MTA2: variants seen among roughly 807,000 people sequenced by gnomAD.
The protein encoded by MTA2 is metastasis associated 1 family member 2.
A neutral mutation model predicts 87.1 loss-of-function variants in MTA2; 22 were observed. That is an observed-to-expected ratio of 0.25 (90% CI 0.18 to 0.36). The LOEUF (loss-of-function observed/expected upper bound fraction) is 0.36. Ranked by LOEUF, MTA2 falls within the 10% of genes least tolerant of loss-of-function variation. The pLI is 1.00. For missense variants in MTA2, 542 were observed against 853.2 expected (o/e 0.64, Z 4.54); for synonymous variants, 314 against 310.1 (o/e 1.01, Z -0.13).
In MTA2 at chr11:62,595,054, A is replaced by C; in HGVS notation, c.1500T>G (p.Pro500=). 6.2e-7 allele frequency: 1 copy of C among 1,614,154 alleles called. No homozygotes were observed. Among genetic ancestry groups the C allele is most frequent in the South Asian group, 1.1e-5 (1 of 91,074 alleles). ...TCTTCAATGGAGTCTTGGCGGCCTT[A>C]GGAAGTCGAATGGAGCCTGGAGAAC... The part of the protein sequence containing the change: ...AIKAECSIRL[P]KAAKTPLKIH... The change falls in exon 15 of 18, where the codon CCT becomes CCG. Residue 500 remains proline, a synonymous_variant. Coordinates refer to ENST00000278823, the MANE Select transcript of MTA2 (RefSeq NM_004739.4). This position sits in a 1 kb window ranked among gnomAD's most constrained non-coding sequence, Gnocchi z 4.9.
chr11:62,601,304 C>A, intron 1 of MTA2, 119 bp downstream of exon 1: 8 of 1,303,388 alleles, frequency 6.1e-6, no homozygotes, highest in Non-Finnish European at 8.5e-6. Context: ...GGTTCCGGTC[C>A]GCGCTCCGGT....
At chr11:62,598,818 T>C (rs1035482848) in intron 3 of MTA2, among the ~76,000 whole-genome samples, 179 bp from the exon 4 acceptor site, 2 of 152,188 alleles carry the variant, frequency 1.3e-5, no homozygotes, top group Non-Finnish European at 2.9e-5. Context: ...TGCCCCATCA[T>C]AGATGCTCCC....
rs1188341148 is a variant in MTA2 at position 62,594,618 on chromosome 11, CA to C, written c.1589del (p.Leu530ArgfsTer29). The C allele has an allele frequency of 6.2e-7, 1 of 1,614,090 alleles. No homozygotes were observed. The highest frequency in any genetic ancestry group is 1.7e-5 in the Admixed American group (1 of 60,002). On this transcript the variant is annotated frameshift_variant, in exon 16 of 18. Coordinates refer to ENST00000278823, the MANE Select transcript of MTA2 (RefSeq NM_004739.4). LOFTEE classifies it high-confidence loss of function. ...TGGTACCCCGAGGTGTTTTTGGTTT[CA>C]GGGGTGCCTGGGCCACTGGAAAAAA... ...IVKDLVAQAPLKPKTPRGTKT... is the reference protein window; with the variant it reads ...IVKDLVAQAPXKPKTPRGTKT...
At chr11:62,596,921 G>A (rs773082931) in intron 8 of MTA2, 96 bp from the exon 9 acceptor site, 14 of 1,251,538 alleles carry the variant, frequency 1.1e-5, no homozygotes, top group Non-Finnish European at 1.4e-5. Context: ...CGGGCGCGGT[G>A]GCTCACACCC....
chr11:62,593,929 T>C lies in MTA2; in HGVS notation c.1953A>G (p.Leu651=), dbSNP rs775150148. 2 of 1,614,020 alleles carry C rather than the reference T, an allele frequency of 1.2e-6. No homozygotes were observed. Among genetic ancestry groups the C allele is most frequent in the African/African-American group, 1.3e-5 (1 of 74,978 alleles). Residue 651 remains leucine, a synonymous_variant, in exon 18 of 18, where the codon CTA becomes CTG. Coordinates refer to ENST00000278823, the MANE Select transcript of MTA2 (RefSeq NM_004739.4). ...TLIAVRPPVP[L]PAPSHPASTN... is the part of the protein sequence containing the mutation. ...TGCTGGCAGGATGTGAGGGTGCAGG[T>C]AGAGGGACAGGGGGCCGCACTGCAA...
rs1276653253 is a variant in MTA2 at position 62,596,094 on chromosome 11, G to A, written c.1030C>T (p.Pro344Ser). The A allele has an allele frequency of 2.5e-6, 4 of 1,613,998 alleles. No individual in the cohort carries two copies. The highest frequency in any genetic ancestry group is 3.4e-6 in the Non-Finnish European group (4 of 1,180,042). Reference protein sequence around the residue: ...VYIPTYTKPNPNQIISVGSKP... With the variant: ...VYIPTYTKPNSNQIISVGSKP... ...GAACCCACAGAAATGATCTGGTTAG[G>A]GTTTGGCTTAGTGCTAACGGGGAAG... The change falls in exon 12 of 18, where the codon CCT (proline) becomes TCT (serine). Residue 344 changes from proline to serine, a missense_variant. Transcript: ENST00000278823.
rs1168496594 is a variant in MTA2, at chr11:62,601,470, T to G, written c.-20A>C. ...CGCCATGGCCGTTCCCGCCGCCGCC[T>G]CCGGCCGCACAAAGGGGTCCGGGAG... is the stretch of plus-strand genomic sequence containing the variant. On this transcript the variant is annotated 5_prime_UTR_variant, in exon 1 of 18. Transcript: ENST00000278823. 3.7e-6 allele frequency: 6 copies of G among 1,607,000 alleles called. No individual in the cohort carries two copies. The highest frequency in any genetic ancestry group is 5.1e-6 in the Non-Finnish European group (6 of 1,177,544).
Position 62,596,316 on chromosome 11 carries a change from C to T in MTA2, c.979G>A (p.Ala327Thr), listed in dbSNP as rs1942097777. ...TAGACCTGTTTCAGTTTGCTGTCTGCTTCAGCAGCTTTCAACCTTTTCTGT... is the reference window on the plus strand; with the variant it reads ...TAGACCTGTTTCAGTTTGCTGTCTGTTTCAGCAGCTTTCAACCTTTTCTGT... ...IQQKRLKAAE[A>T]DSKLKQVYIP... The change falls in exon 11 of 18, where the codon GCA (alanine) becomes ACA (threonine). Residue 327 changes from alanine (A) to threonine (T), a missense_variant. Transcript: ENST00000278823. 1 of 1,614,044 alleles carries T rather than the reference C, an allele frequency of 6.2e-7. No individual in the cohort carries two copies. The highest frequency in any genetic ancestry group is 8.5e-7 in the Non-Finnish European group (1 of 1,180,040).
In MTA2 at chr11:62,596,733, C is replaced by T; in HGVS notation, c.786G>A (p.Arg262=). 3 of 1,614,182 alleles carry T rather than the reference C, an allele frequency of 1.9e-6. No homozygotes were observed. The highest frequency in any genetic ancestry group is 1.7e-6 in the Non-Finnish European group (2 of 1,180,016). ...LVPQGGPVLC[R]DEMEEWSASE... is the part of the protein sequence containing the mutation. ...AGGCTGACCATTCCTCCATCTCATC[C>T]CGACACAGCACCGGGCCTCCCTGGG... is the stretch of plus-strand genomic sequence containing the variant. The change falls in exon 9 of 18, where the codon CGG becomes CGA. Residue 262 remains arginine (R), a synonymous_variant. Coordinates refer to ENST00000278823, the MANE Select transcript of MTA2 (RefSeq NM_004739.4).
Position 62,601,579 on chromosome 11 carries a change from G to C in MTA2, c.-129C>G. On this transcript the variant is annotated 5_prime_UTR_variant, in exon 1 of 18. Coordinates refer to ENST00000278823, the MANE Select transcript of MTA2 (RefSeq NM_004739.4). ...AGGGAGTCTCACTGGGGCCCGCGCAGCCGGCACCTCCGCTGCCTCAGCCGT... is the reference window on the plus strand; with the variant it reads ...AGGGAGTCTCACTGGGGCCCGCGCACCCGGCACCTCCGCTGCCTCAGCCGT... 1.8e-6 allele frequency: 2 copies of C among 1,103,634 alleles called. No homozygotes were observed. Among genetic ancestry groups the C allele is most frequent in the Non-Finnish European group, 2.5e-6 (2 of 801,804 alleles). The allele number at this position is 1,103,634 out of a possible 1,614,324, so 68.4% of individuals were successfully genotyped here.
Position 62,595,218 on chromosome 11 carries a change from G to C in MTA2, c.1483+46C>G, listed in dbSNP as rs765471488. 6 of 1,585,168 alleles carry C rather than the reference G, an allele frequency of 3.8e-6. No individual in the cohort carries two copies. The highest frequency in any genetic ancestry group is 4.3e-6 in the Non-Finnish European group (5 of 1,154,908). On this transcript the variant is annotated intron_variant, in intron 14 of 17. Transcript: ENST00000278823. This position sits in a 1 kb window ranked among gnomAD's most constrained non-coding sequence, Gnocchi z 4.9. ...CCAGAGAAACAACGGTCTCTGGGCAGAGCAATCCGAAACCCACCACCAGTC... is the reference window on the plus strand; with the variant it reads ...CCAGAGAAACAACGGTCTCTGGGCACAGCAATCCGAAACCCACCACCAGTC...
In MTA2 at chr11:62,593,863, C is replaced by CA; in HGVS notation, c.*11_*12insT. 1 of 1,613,990 alleles carries CA rather than the reference C, an allele frequency of 6.2e-7. No individual in the cohort carries two copies. Among genetic ancestry groups the CA allele is most frequent in the South Asian group, 1.1e-5 (1 of 91,072 alleles). On this transcript the variant is annotated 3_prime_UTR_variant, in exon 18 of 18. Coordinates refer to ENST00000278823, the MANE Select transcript of MTA2 (RefSeq NM_004739.4). ...CTCTACCTCTCAGCCCACCTCCCTTCCCCACAGGTGCTCAGTCCTCCAGGA... is the reference window on the plus strand; with the variant it reads ...CTCTACCTCTCAGCCCACCTCCCTTCACCCACAGGTGCTCAGTCCTCCAGGA...
Position 62,594,539 on chromosome 11 carries a change from T to C in MTA2, c.1669A>G (p.Met557Val). 1 of 1,613,996 alleles carries C rather than the reference T, an allele frequency of 6.2e-7. No homozygotes were observed. The highest frequency in any genetic ancestry group is 1.1e-5 in the South Asian group (1 of 91,078). Residue 557 changes from methionine (M) to valine (V), a missense_variant, in exon 16 of 18, where the codon ATG becomes GTG. Physicochemically the swap from Met to Val is conservative, Grantham distance 21 (BLOSUM62 1). This residue lies in a region of MTA2 where 269 missense variants were observed against 346.4 expected (regional missense o/e 0.78). Transcript: ENST00000278823. ...ACAGTCTCATAGGCCCGTTTCACCA[T>C]AATGCCCCCCAGTCCCCGGTTCTGG... ...LSQNRGLGGI[M>V]VKRAYETMAG...
chr11:62,596,422 T>G (rs1319809655), intron 10 of MTA2, 36 bp downstream of exon 10: 2 of 1,612,908 alleles, frequency 1.2e-6, no homozygotes. Context: ...GGTCAGCAGG[T>G]AGCCTATGGT....
At chr11:62,596,580 T>C (rs1397560766) in intron 9 of MTA2, 48 bp from the exon 10 acceptor site, 6 of 1,612,504 alleles carry the variant, frequency 3.7e-6, no homozygotes, top group Non-Finnish European at 5.1e-6. Flanking sequence ...TGGCCCCAGG[T>C]CCTGGTTCCC....
chr11:62,599,902 C>T (rs1942154274), intron 3 of MTA2, among the ~76,000 whole-genome samples: 1 of 152,220 alleles, frequency 6.6e-6, no homozygotes, highest in Non-Finnish European at 1.5e-5. Context: ...CATTGTTTCT[C>T]TAAAGCTCGT....
In MTA2 at chr11:62,595,946, C is replaced by A; in HGVS notation, c.1115-55G>T. ...GAAGAAGCATACTACCTAAGCCCCT[C>A]AGATTCTTGAGCCACAGCAGGCCTT... On this transcript the variant is annotated intron_variant, in intron 12 of 17. Transcript: ENST00000278823. This position sits in a 1 kb window ranked among gnomAD's most constrained non-coding sequence, Gnocchi z 4.9. 1 of 1,614,102 alleles carries A rather than the reference C, an allele frequency of 6.2e-7. No individual in the cohort carries two copies. Among genetic ancestry groups the A allele is most frequent in the Non-Finnish European group, 8.5e-7 (1 of 1,179,972 alleles).
At position 62,598,414 on chromosome 11, in the gene MTA2, C is replaced by G. The variant is rs779984375; in HGVS notation, c.309-24G>C. The stretch of plus-strand genomic sequence containing the variant: ...CCCTATAGGAGAGAGATTGGAAAAC[C>G]CCGGTGAGCCCCACTCTCCCTCCCC... On this transcript the variant is annotated intron_variant, in intron 4 of 17. Coordinates refer to ENST00000278823, the MANE Select transcript of MTA2 (RefSeq NM_004739.4). 6.8e-6 allele frequency: 11 copies of G among 1,612,290 alleles called. No homozygotes were observed. The Admixed American group carries it at 1.7e-4, about 24-fold the overall frequency.
chr11:62,595,112 C>A lies in MTA2; in HGVS notation c.1484-42G>T. The A allele has an allele frequency of 6.3e-7, 1 of 1,599,512 alleles. No homozygotes were observed. Among genetic ancestry groups the A allele is most frequent in the South Asian group, 1.1e-5 (1 of 90,228 alleles). On this transcript the variant is annotated intron_variant, in intron 14 of 17. Coordinates refer to ENST00000278823, the MANE Select transcript of MTA2 (RefSeq NM_004739.4). The surrounding 1 kb of genome is among the most constrained non-coding windows in gnomAD (Gnocchi z 4.9). Reference sequence around the variant, plus strand: ...AAAGCTTCTGAAGGGCTTCACCATTCAGGTCTCCTCTAAGGCCAGAAGCCA... The same window carrying A: ...AAAGCTTCTGAAGGGCTTCACCATTAAGGTCTCCTCTAAGGCCAGAAGCCA...
Sources: allele counts gnomAD v4.1 joint callset (sites outside exome capture counted in the v4.1 genomes callset), GRCh38; gene constraint gnomAD v4.1.1; regional missense constraint gnomAD v4.1.1; non-coding constraint Gnocchi (gnomAD v3.1); transcripts MANE v1.5; gene names NCBI Gene and HGNC (gene_info 2026-07-23, HGNC 2026-07-21).